The following SCEL variants were observed in gnomAD, a reference collection of about 807,000 sequenced individuals.
SCEL encodes sciellin.
In SCEL, 113 loss-of-function variants were observed where a neutral mutation model predicts 117.6. That is an observed-to-expected ratio of 0.96 (90% CI 0.83 to 1.12). SCEL has a LOEUF of 1.12. Ranked by LOEUF, SCEL falls within the 50% of genes most tolerant of loss-of-function variation. The probability of loss-of-function intolerance (pLI) is 0.00; values close to 1 mark genes in which losing one functional copy is unlikely to be tolerated. For missense variants in SCEL, 785 were observed against 810.8 expected, an observed-to-expected ratio of 0.97 and a Z score of 0.39; for synonymous variants, 270 against 256.2, an observed-to-expected ratio of 1.05 and a Z score of -0.51.
Position 77,628,001 on chromosome 13 carries a change from G to T in SCEL, c.1683G>T (p.Lys561Asn). ...TAAATTCTCATGTGTCTGAAAACAAGAATGGAAGGTAAAGCTTATTATAAT... is the reference window on the plus strand; with the variant it reads ...TAAATTCTCATGTGTCTGAAAACAATAATGGAAGGTAAAGCTTATTATAAT... The part of the protein sequence containing the change: ...IEVNSHVSEN[K>N]NGSSNTGAKQ... Residue 561 changes from lysine to asparagine, a missense_variant, in exon 28 of 33, where the codon AAG (lysine) becomes AAT (asparagine). Transcript: ENST00000349847. The T allele has an allele frequency of 6.7e-7, 1 of 1,495,918 alleles. No individual in the cohort carries two copies. Among genetic ancestry groups the T allele is most frequent in the South Asian group, 1.4e-5 (1 of 73,312 alleles). 92.7% of individuals were successfully genotyped at this position (1,495,918 alleles called of 1,614,324 possible).
intron 9 of SCEL, among the ~76,000 whole-genome samples, chr13:77,584,161 CTT>C (rs948667041): frequency 6.6e-6 from 1 of 152,188 alleles, no homozygotes; most frequent in African/African-American, 2.4e-5. Flanking sequence ...ATGAATGTCT[CTT>C]GTTTCCTTCT....
intron 31 of SCEL, among the ~76,000 whole-genome samples, chr13:77,642,337 G>A (rs2090596855): frequency 6.6e-6 from 1 of 152,132 alleles, no homozygotes; most frequent in Non-Finnish European, 1.5e-5. Context: ...TGAAGCAGCG[G>A]TCAGCCCTTT....
At position 77,627,998 on chromosome 13, in the gene SCEL, C is replaced by T; in HGVS notation, c.1680C>T (p.Asn560=). 1 of 1,500,536 alleles carries T rather than the reference C, an allele frequency of 6.7e-7. No individual in the cohort carries two copies. The highest frequency in any genetic ancestry group is 9.0e-7 in the Non-Finnish European group (1 of 1,107,308). 93.0% of individuals were successfully genotyped at this position (1,500,536 alleles called of 1,614,324 possible). ...LIEVNSHVSE[N]KNGSSNTGAK... ...AAGTAAATTCTCATGTGTCTGAAAACAAGAATGGAAGGTAAAGCTTATTAT... is the reference window on the plus strand; with the variant it reads ...AAGTAAATTCTCATGTGTCTGAAAATAAGAATGGAAGGTAAAGCTTATTAT... Residue 560 remains asparagine (N), a synonymous_variant, in exon 28 of 33, where the codon AAC becomes AAT. Transcript: ENST00000349847.
chr13:77,567,627 G>T, intron 5 of SCEL, 53 bp from the exon 6 acceptor site: 1 of 1,243,300 alleles, frequency 8.0e-7, no homozygotes, highest in Non-Finnish European at 1.2e-6. Flanking sequence ...GGTCTGAAAG[G>T]AGTTTGATAA....
At chr13:77,625,658 G>T (rs2089693256) in intron 27 of SCEL, among the ~76,000 whole-genome samples, 1 of 152,152 alleles carries the variant, frequency 6.6e-6, no homozygotes, top group South Asian at 2.1e-4. Flanking sequence ...AGGGAATGCT[G>T]CCGAATTTGC....
chr13:77,599,598 T>C (rs577378645), intron 14 of SCEL, 91 bp from the exon 15 acceptor site: 16 of 1,006,890 alleles, frequency 1.6e-5, no homozygotes, highest in Middle Eastern at 4.1e-4. Flanking sequence ...GAGCAATTCA[T>C]GGAGAATGTT....
intron 8 of SCEL, among the ~76,000 whole-genome samples, chr13:77,571,495 C>T (rs1011341331): frequency 6.6e-6 from 1 of 151,878 alleles, no homozygotes; most frequent in Non-Finnish European, 1.5e-5. Flanking sequence ...TCGAGACCAG[C>T]CTGACCAACA....
intron 24 of SCEL, among the ~76,000 whole-genome samples, chr13:77,616,094 T>C (rs1215945042): frequency 1.3e-5 from 2 of 151,636 alleles, no homozygotes; most frequent in African/African-American, 4.8e-5. Context: ...ATGTATTTCT[T>C]ATTGGGCTTT....
chr13:77,618,199 T>A (rs985468082), intron 27 of SCEL, 139 bp downstream of exon 27: 20 of 700,354 alleles, frequency 2.9e-5, no homozygotes, highest in Non-Finnish European at 4.9e-5. Context: ...CTTTCCTTCC[T>A]TCCTTCCATT....
rs760888383 is a variant in SCEL at position 77,617,593 on chromosome 13, T to C, written c.1452-6T>C. 8 of 1,570,916 alleles carry C rather than the reference T, an allele frequency of 5.1e-6. No homozygotes were observed. Among genetic ancestry groups the C allele is most frequent in the Non-Finnish European group, 6.9e-6 (8 of 1,151,692 alleles). On this transcript the variant is annotated splice_polypyrimidine_tract_variant and splice_region_variant and intron_variant, in intron 24 of 32. Transcript: ENST00000349847. ...CAAGTTGCTTTAATATTTTTTCCACTTAAAGAAAACAAGATCTTGATAAAC... is the reference window on the plus strand; with the variant it reads ...CAAGTTGCTTTAATATTTTTTCCACCTAAAGAAAACAAGATCTTGATAAAC...
intron 4 of SCEL, among the ~76,000 whole-genome samples, chr13:77,562,166 C>T (rs2085020250): frequency 6.6e-6 from 1 of 152,080 alleles, no homozygotes; most frequent in Non-Finnish European, 1.5e-5. Flanking sequence ...GAACTTGCAT[C>T]CTAGTTGAAA....
At position 77,617,633 on chromosome 13, in the gene SCEL, C is replaced by A; in HGVS notation, c.1486C>A (p.Pro496Thr). ...TCTTGATAAACTCATCAAGGTGAAT[C>A]CTGAAATTTTCACAAACAACCAAAG... The part of the protein sequence containing the change: ...QDLDKLIKVN[P>T]EIFTNNQRNQ... Residue 496 changes from proline to threonine, a missense_variant, in exon 25 of 33, where the codon CCT (proline) becomes ACT (threonine). Transcript: ENST00000349847. 1 of 1,597,928 alleles carries A rather than the reference C, an allele frequency of 6.3e-7. No homozygotes were observed. Among genetic ancestry groups the A allele is most frequent in the Non-Finnish European group, 8.5e-7 (1 of 1,170,660 alleles).
At chr13:77,604,927 A>G (rs1225018386) in intron 19 of SCEL, among the ~76,000 whole-genome samples, 4 of 151,920 alleles carry the variant, frequency 2.6e-5, no homozygotes, top group Non-Finnish European at 5.9e-5. Flanking sequence ...GTGTATATGT[A>G]TGATCTACAT....
chr13:77,632,186 G>C (rs141926825), intron 28 of SCEL, among the ~76,000 whole-genome samples: 1 of 152,170 alleles, frequency 6.6e-6, no homozygotes, highest in African/African-American at 2.4e-5. Flanking sequence ...TAAATTTTGG[G>C]GGAATACATC....
intron 24 of SCEL, among the ~76,000 whole-genome samples, chr13:77,614,400 A>G (rs1230611952): frequency 6.6e-6 from 1 of 152,150 alleles, no homozygotes; most frequent in Non-Finnish European, 1.5e-5. Flanking sequence ...TAGTCAGTGG[A>G]AATTTTATGA....
chr13:77,595,830 T>C (rs577909272), intron 12 of SCEL, among the ~76,000 whole-genome samples: 7 of 152,304 alleles, frequency 4.6e-5, no homozygotes, highest in African/African-American at 1.4e-4. Flanking sequence ...AATTCTACCA[T>C]TGATACCTAA....
At chr13:77,623,401 C>G (rs1319878352) in intron 27 of SCEL, 3 of 152,168 alleles carry the variant, frequency 2.0e-5, no homozygotes, top group Non-Finnish European at 2.9e-5. Context: ...GTGTTTACTA[C>G]TAACTACTCA....
intron 1 of SCEL, among the ~76,000 whole-genome samples, chr13:77,547,789 T>C (rs1002098913): frequency 1.3e-5 from 2 of 152,204 alleles, no homozygotes; most frequent in African/African-American, 2.4e-5. Context: ...TGAGAACAAG[T>C]GAAATAAGAC....
At chr13:77,575,998 TC>T (rs1399447043) in intron 9 of SCEL, among the ~76,000 whole-genome samples, 1 of 152,188 alleles carries the variant, frequency 6.6e-6, no homozygotes, top group Non-Finnish European at 1.5e-5. Context: ...TTCACTGGTT[TC>T]CCCATTTTCC....
Sources: gnomAD v4.1 joint callset for allele counts (sites outside exome capture counted in the v4.1 genomes callset) on GRCh38, gnomAD v4.1.1 for gene constraint, MANE v1.5 for transcripts, NCBI Gene and HGNC (gene_info 2026-07-23, HGNC 2026-07-21) for gene names.